Variants in MUC4 observed in about 807,000 individuals in gnomAD.
MUC4 encodes mucin-4.
A neutral mutation model predicts 257.9 loss-of-function variants in MUC4; 202 were observed. That is an observed-to-expected ratio of 0.78 (90% CI 0.70 to 0.88). The LOEUF is 0.88. Among genes scored for constraint, MUC4 ranks in the 40% least tolerant of loss-of-function variants. MUC4 has a pLI of 0.00. For missense variants in MUC4, 5,976 were observed against 6,513.7 expected (o/e 0.92, Z 2.84); for synonymous variants, 2,351 against 2,757.1 (o/e 0.85, Z 4.62).
At chr3:195,767,690 AC>A (rs879808961) in intron 7 of MUC4, among the ~76,000 whole-genome samples, 37,638 of 39,128 alleles carry the variant, frequency 0.96, 18,287 homozygotes, top group Non-Finnish European at 0.97. Context: ...ATCACTGGCC[AC>A]CCCCCAAAAA....
chr3:195,805,826 A>G (rs1209951258), intron 1 of MUC4, among the ~76,000 whole-genome samples: 1 of 152,022 alleles, frequency 6.6e-6, no homozygotes, highest in Non-Finnish European at 1.5e-5. Flanking sequence ...CTCAAAATCC[A>G]TAATCTGGGC....
intron 1 of MUC4, among the ~76,000 whole-genome samples, chr3:195,806,973 C>T (rs184384459): frequency 1.3e-4 from 20 of 152,250 alleles, no homozygotes; most frequent in South Asian, 8.3e-4. Context: ...GCAACCTGGG[C>T]GGGGCGGCAT....
In MUC4 at chr3:195,774,181, A is replaced by G; in HGVS notation, c.13068T>C (p.Asp4356=). The G allele has an allele frequency of 6.2e-7, 1 of 1,608,194 alleles. No individual in the cohort carries two copies. Among genetic ancestry groups the G allele is most frequent in the Non-Finnish European group, 8.5e-7 (1 of 1,177,572 alleles). ...CGCAGCCCGGACTCACGTAGAGGGA[A>G]TCACGGAGAGAGGAGCCAAGGGGGA... ...TGFPLGSSLR[D]SLYFTDNGQI... Residue 4356 remains aspartate, a synonymous_variant, in exon 4 of 25, where the codon GAT becomes GAC. Coordinates refer to ENST00000463781, the MANE Select transcript of MUC4 (RefSeq NM_018406.7).
intron 8 of MUC4, 122 bp downstream of exon 8, chr3:195,766,541 G>A: frequency 2.4e-6 from 2 of 843,362 alleles, no homozygotes; most frequent in South Asian, 1.6e-5. Flanking sequence ...AACTGTGTGG[G>A]GGAGGCCCTT....
chr3:195,794,400 G>C (rs1322582042), intron 1 of MUC4, among the ~76,000 whole-genome samples: 1 of 151,660 alleles, frequency 6.6e-6, no homozygotes, highest in African/African-American at 2.4e-5. Flanking sequence ...AGAAGAAAGA[G>C]AGAGAGAGAG....
chr3:195,747,531 A>T (rs4298072), intron 24 of MUC4, 151 bp from the exon 25 acceptor site: 2 of 955,700 alleles, frequency 2.1e-6, no homozygotes, highest in Non-Finnish European at 3.1e-6. Flanking sequence ...GCCGTGCTGA[A>T]GTGAGACCAC....
chr3:195,801,650 T>A (rs1314466648), intron 1 of MUC4, among the ~76,000 whole-genome samples: 1 of 152,116 alleles, frequency 6.6e-6, no homozygotes, highest in Non-Finnish European at 1.5e-5. Flanking sequence ...CACGCACTGC[T>A]CGCTCTGCCC....
intron 1 of MUC4, among the ~76,000 whole-genome samples, chr3:195,799,513 G>T (rs1369017432): frequency 6.6e-6 from 1 of 152,054 alleles, no homozygotes; most frequent in Non-Finnish European, 1.5e-5. Context: ...TGTTGGCCAG[G>T]CTGGTCTCAA....
In MUC4 at chr3:195,779,683, G is replaced by A. The variant is rs755512748; in HGVS notation, c.11897C>T (p.Ala3966Val). The change falls in exon 2 of 25, where the codon GCC becomes GTC. Residue 3966 changes from alanine to valine, a missense_variant. By Grantham distance (64) the Ala-to-Val change is moderately conservative. Around this residue, in one of 44 missense-constraint regions of MUC4, gnomAD observed 293 missense variants for 294.5 expected, o/e 1.00. Transcript: ENST00000463781. Reference sequence around the variant, plus strand: ...ACGGCTGGTGACAGGAAGAGAGGTGGCGTGACCTGTGGATACTGAGGAAGT... The same window carrying A: ...ACGGCTGGTGACAGGAAGAGAGGTGACGTGACCTGTGGATACTGAGGAAGT... ...TDTSSVSTGH[A>V]TSLPVTSRSS... 11 of 1,223,380 alleles carry A rather than the reference G, an allele frequency of 9.0e-6. 1 individual carries two copies. The highest frequency in any genetic ancestry group is 2.6e-5 in the Admixed American group (1 of 37,740). 75.8% of individuals were successfully genotyped at this position (1,223,380 alleles called of 1,614,324 possible).
intron 16 of MUC4, 53 bp from the exon 17 acceptor site, chr3:195,759,314 A>C: frequency 6.3e-7 from 1 of 1,595,522 alleles, no homozygotes; most frequent in Non-Finnish European, 8.6e-7. Context: ...CTCCTGCTTT[A>C]TCAGCCTCCT....
chr3:195,805,114 G>A (rs1237698266), intron 1 of MUC4, among the ~76,000 whole-genome samples: 1 of 151,304 alleles, frequency 6.6e-6, no homozygotes, highest in East Asian at 1.9e-4. Flanking sequence ...AGGCAGGAGT[G>A]CAGTGGTGCG....
chr3:195,781,917 G>C lies in MUC4; in HGVS notation c.9663C>G (p.Ser3221Arg), dbSNP rs1303011614. The C allele has an allele frequency of 1.0e-6, 1 of 964,770 alleles. No individual in the cohort carries two copies. Among genetic ancestry groups the C allele is most frequent in the African/African-American group, 2.3e-5 (1 of 42,684 alleles). The allele number at this position is 964,770 out of a possible 1,614,324, so 59.8% of individuals were successfully genotyped here. Residue 3221 changes from serine (S) to arginine (R), a missense_variant, in exon 2 of 25, where the codon AGC becomes AGG. By Grantham distance (110) the Ser-to-Arg change is moderately radical. Around this residue, in one of 44 missense-constraint regions of MUC4, gnomAD observed 28 missense variants for 79.1 expected, o/e 0.35. Transcript: ENST00000463781. ...TGTCACCTGTGGATACTGAGGAAAGGCTGGTGACAGGAAGAGGGGTGGCCT... is the reference window on the plus strand; with the variant it reads ...TGTCACCTGTGGATACTGAGGAAAGCCTGGTGACAGGAAGAGGGGTGGCCT... ...TGQATPLPVT[S>R]LSSVSTGDTT...
rs202241172 is a variant in MUC4 at position 195,785,584 on chromosome 3, G to T, written c.5996C>A (p.Thr1999Asn). The T allele has an allele frequency of 0.02, 30,717 of 1,528,812 alleles. 2,236 individuals are homozygous for T. The highest frequency in any genetic ancestry group is 0.079 in the African/African-American group (5,244 of 66,100). 94.7% of individuals were successfully genotyped at this position (1,528,812 alleles called of 1,614,324 possible). Residue 1999 changes from threonine (T) to asparagine (N), a missense_variant, in exon 2 of 25, where the codon ACC (threonine) becomes AAC (asparagine). Physicochemically the swap from Thr to Asn is moderately conservative, Grantham distance 65. Coordinates refer to ENST00000463781, the MANE Select transcript of MUC4 (RefSeq NM_018406.7). ...DASSVSTGHA[T>N]PLPVTDTSSV... is the part of the protein sequence containing the mutation. Reference sequence around the variant, plus strand: ...GGAAGTGTCGGTGACCGGAAGAGGGGTGGCATGACCTGTGGACACTGAGGA... The same window carrying T: ...GGAAGTGTCGGTGACCGGAAGAGGGTTGGCATGACCTGTGGACACTGAGGA...
At chr3:195,796,158 C>T (rs1321633337) in intron 1 of MUC4, among the ~76,000 whole-genome samples, 1 of 152,096 alleles carries the variant, frequency 6.6e-6, no homozygotes, top group Non-Finnish European at 1.5e-5. Flanking sequence ...GATCTCAGCT[C>T]ACTGCAACCT....
chr3:195,770,679 T>C, intron 5 of MUC4: 1 of 473,644 alleles, frequency 2.1e-6, no homozygotes. Flanking sequence ...CACTTTTACC[T>C]CCCCATGCCT....
At chr3:195,775,923 TACCTTCCACAGTCATACCTTCCACAC>T (rs1724534080) in intron 3 of MUC4, among the ~76,000 whole-genome samples, 1 of 95,224 alleles carries the variant, frequency 1.1e-5, no homozygotes, top group East Asian at 3.5e-4. Flanking sequence ...TCCACACCCA[TACCTTCCACAGTCATACCTTCCACAC>T]CCATACCTTC....
Position 195,749,084 on chromosome 3 carries a change from T to C in MUC4, c.15872-20A>G, listed in dbSNP as rs778288949. 2 of 1,607,888 alleles carry C rather than the reference T, an allele frequency of 1.2e-6. No homozygotes were observed. The highest frequency in any genetic ancestry group is 2.2e-5 in the South Asian group (2 of 89,686). On this transcript the variant is annotated intron_variant, in intron 23 of 24. Coordinates refer to ENST00000463781, the MANE Select transcript of MUC4 (RefSeq NM_018406.7). ...CGTTCACTGTCGGGAAGGACACAGATTAACACAGAAAGCAACCGATGAACA... is the reference window on the plus strand; with the variant it reads ...CGTTCACTGTCGGGAAGGACACAGACTAACACAGAAAGCAACCGATGAACA...
In MUC4 at chr3:195,761,053, A is replaced by G. The variant is rs749115694; in HGVS notation, c.14679T>C (p.Pro4893=). The G allele has an allele frequency of 3.1e-6, 5 of 1,613,936 alleles. No individual in the cohort carries two copies. In the Admixed American group the frequency reaches 5.0e-5, roughly 16 times the overall value. The change falls in exon 16 of 25, where the codon CCT becomes CCC. Residue 4893 remains proline (P), a synonymous_variant. Transcript: ENST00000463781. ...TTTTTTGCAGTTGTGAGTAGAAAACAGGGGTGAAGTTGGAAGGCAGCTGGT... is the reference window on the plus strand; with the variant it reads ...TTTTTTGCAGTTGTGAGTAGAAAACGGGGGTGAAGTTGGAAGGCAGCTGGT... ...RNDQLPSNFT[P]VFYSQLQKNS...
Position 195,788,519 on chromosome 3 carries a change from G to A in MUC4, c.3061C>T (p.His1021Tyr), listed in dbSNP as rs200400545. Residue 1021 changes from histidine (H) to tyrosine (Y), a missense_variant, in exon 2 of 25, where the codon CAC becomes TAC. Physicochemically the swap from His to Tyr is moderately conservative, Grantham distance 83 (BLOSUM62 2). Around this residue, in one of 44 missense-constraint regions of MUC4, gnomAD observed 1,583 missense variants for 1,257.4 expected, o/e 1.26. Transcript: ENST00000463781. ...VTSPSSVSTG[H>Y]TTPLPVTDTS... Reference sequence around the variant, plus strand: ...TCGGTGACAGGAAGAGGGGTGGTGTGACCTGTGGATACTGAGGAAGGGCTG... The same window carrying A: ...TCGGTGACAGGAAGAGGGGTGGTGTAACCTGTGGATACTGAGGAAGGGCTG... The A allele has an allele frequency of 4.9e-6, 7 of 1,420,506 alleles. No homozygotes were observed. The highest frequency in any genetic ancestry group is 6.5e-6 in the Non-Finnish European group (7 of 1,072,834). The allele number at this position is 1,420,506 out of a possible 1,614,324, so 88.0% of individuals were successfully genotyped here.
Sources: allele counts gnomAD v4.1 joint callset (sites outside exome capture counted in the v4.1 genomes callset), GRCh38; gene constraint gnomAD v4.1.1; regional missense constraint gnomAD v4.1.1; transcripts MANE v1.5; gene names NCBI Gene and HGNC (gene_info 2026-07-23, HGNC 2026-07-21).